The following PCDHGA9 variants were observed in gnomAD, a reference collection of about 807,000 sequenced individuals.
PCDHGA9 encodes protocadherin gamma-A9.
In PCDHGA9, 37 loss-of-function variants were observed where a neutral mutation model predicts 62.5. The ratio of observed to expected loss-of-function variants is 0.59; its 90% CI spans 0.46 to 0.78. The LOEUF (loss-of-function observed/expected upper bound fraction) is 0.78, where lower values mean the gene tolerates loss of function less well. PCDHGA9 is among the 30% of genes least tolerant of loss of function. The pLI is 0.00. For missense variants in PCDHGA9, 1,138 were observed against 1,166.2 expected (o/e 0.98, Z 0.35); for synonymous variants, 459 against 484.6 (o/e 0.95, Z 0.69).
Position 141,431,112 on chromosome 5 carries a change from GAGTAGA to G in PCDHGA9, c.2424+25747_2424+25752del, listed in dbSNP as rs764068262. On this transcript the variant is annotated intron_variant, in intron 1 of 3. Transcript: ENST00000573521. The surrounding 1 kb of genome is among the most constrained non-coding windows in gnomAD (Gnocchi z 4.8). ...ATGGAGGATAAAGTGAAAATATATG[GAGTAGA>G]AGTAGAAGTAAGGGACATTAACGAC... The G allele has an allele frequency of 1.7e-5, 28 of 1,614,128 alleles. No individual in the cohort carries two copies. The highest frequency in any genetic ancestry group is 3.3e-5 in the South Asian group (3 of 91,092).
At chr5:141,463,438 CTTTTTTTTTTTTT>C (rs71576115) in intron 1 of PCDHGA9, among the ~76,000 whole-genome samples, 4 of 103,254 alleles carry the variant, frequency 3.9e-5, no homozygotes, top group South Asian at 3.2e-4. Flanking sequence ...TTTCCTTCTC[CTTTTTTTTTTTTT>C]TTTTTTTTTT....
chr5:141,402,827 G>C lies in PCDHGA9; in HGVS notation c.-126G>C. The C allele has an allele frequency of 7.5e-6, 10 of 1,330,136 alleles. No individual in the cohort carries two copies. The highest frequency in any genetic ancestry group is 9.9e-6 in the Non-Finnish European group (10 of 1,007,988). 82.4% of individuals were successfully genotyped at this position (1,330,136 alleles called of 1,614,324 possible). A position where few individuals can be genotyped will look rare whatever the true frequency, so the allele number is the denominator to read the frequency against. On this transcript the variant is annotated 5_prime_UTR_variant, in exon 1 of 4. Coordinates refer to ENST00000573521, the MANE Select transcript of PCDHGA9 (RefSeq NM_018921.3). ...GCAGATACCACAAACCTGCTCCCAGGCTGCAGCAAAACTCAGCCTCTTTCT... is the reference window on the plus strand; with the variant it reads ...GCAGATACCACAAACCTGCTCCCAGCCTGCAGCAAAACTCAGCCTCTTTCT...
At chr5:141,430,888 T>C (rs1447560622) in intron 1 of PCDHGA9, 5 of 1,605,402 alleles carry the variant, frequency 3.1e-6, no homozygotes, top group Admixed American at 1.7e-5. Context: ...AGAAAGGCTC[T>C]AGGGTGGGCG....
chr5:141,419,012 A>C (rs1422133011), intron 1 of PCDHGA9: 1 of 1,613,986 alleles, frequency 6.2e-7, no homozygotes. Context: ...AGTCAGGTGT[A>C]GCTTAAGTAG....
Position 141,505,556 on chromosome 5 carries a change from C to T in PCDHGA9, c.2572+75C>T, listed in dbSNP as rs2233611. ...GGGTGCATCTCACAGCCACCATGCC[C>T]ACGGACTGGATGTCAAACCTGTGTA... On this transcript the variant is annotated intron_variant, in intron 3 of 3. Transcript: ENST00000573521. 1,282 of 1,606,040 alleles carry T rather than the reference C, an allele frequency of 8.0e-4. 6 individuals are homozygous for T. In the African/African-American group the frequency reaches 0.013, roughly 16 times the overall value.
chr5:141,483,350 G>C (rs2099580423), intron 1 of PCDHGA9, among the ~76,000 whole-genome samples: 4 of 152,172 alleles, frequency 2.6e-5, no homozygotes, highest in Admixed American at 1.3e-4. Flanking sequence ...CTTTGCAATA[G>C]TTTGAAAGCT....
At chr5:141,420,462 G>T in intron 1 of PCDHGA9, 2 of 892,618 alleles carry the variant, frequency 2.2e-6, no homozygotes. Context: ...ACTATTCAAA[G>T]ACATTTTAAA....
In PCDHGA9 at chr5:141,486,270, G is replaced by A. The variant is rs1052584402; in HGVS notation, c.2425-8537G>A. 2 of 1,614,062 alleles carry A rather than the reference G, an allele frequency of 1.2e-6. No homozygotes were observed. Reference sequence around the variant, plus strand: ...ACCCTCCCCGAGAGTGCAGAACCTGGCACTGTGGTGGCACTTATCAGTGTG... The same window carrying A: ...ACCCTCCCCGAGAGTGCAGAACCTGACACTGTGGTGGCACTTATCAGTGTG... On this transcript the variant is annotated intron_variant, in intron 1 of 3. Coordinates refer to ENST00000573521, the MANE Select transcript of PCDHGA9 (RefSeq NM_018921.3). This position sits in a 1 kb window ranked among gnomAD's most constrained non-coding sequence, Gnocchi z 5.0.
intron 2 of PCDHGA9, among the ~76,000 whole-genome samples, chr5:141,504,926 TGGTG>T (rs1312481961): frequency 1.3e-5 from 2 of 151,946 alleles, no homozygotes; most frequent in Non-Finnish European, 2.9e-5. Context: ...GGCTCTCTCA[TGGTG>T]GGTGGGGGAA....
chr5:141,473,263 T>C (rs2099318134), intron 1 of PCDHGA9, among the ~76,000 whole-genome samples: 1 of 152,210 alleles, frequency 6.6e-6, no homozygotes, highest in African/African-American at 2.4e-5. Context: ...GTCCTTAGTG[T>C]ATGCTATGAT....
chr5:141,409,735 C>G lies in PCDHGA9; in HGVS notation c.2424+4359C>G, dbSNP rs763035733. Reference sequence around the variant, plus strand: ...CATACGTGTCAGTGAGCGCGCAGAGCGGGGTGGTGTTCGCGCAGCGCGCCT... The same window carrying G: ...CATACGTGTCAGTGAGCGCGCAGAGGGGGGTGGTGTTCGCGCAGCGCGCCT... On this transcript the variant is annotated intron_variant, in intron 1 of 3. Transcript: ENST00000573521. The G allele has an allele frequency of 3.7e-6, 6 of 1,613,006 alleles. No homozygotes were observed. The African/African-American group carries it at 8.0e-5, about 22-fold the overall frequency.
chr5:141,490,565 T>C lies in PCDHGA9; in HGVS notation c.2425-4242T>C. ...CTACACAAACATCTCACCATCAGGC[T>C]CAACATTTCAGATGTCAATGACAAT... On this transcript the variant is annotated intron_variant, in intron 1 of 3. Coordinates refer to ENST00000573521, the MANE Select transcript of PCDHGA9 (RefSeq NM_018921.3). This position sits in a 1 kb window ranked among gnomAD's most constrained non-coding sequence, Gnocchi z 5.4. 8 of 1,614,116 alleles carry C rather than the reference T, an allele frequency of 5.0e-6. No individual in the cohort carries two copies. Among genetic ancestry groups the C allele is most frequent in the Non-Finnish European group, 6.8e-6 (8 of 1,180,024 alleles).
intron 1 of PCDHGA9, among the ~76,000 whole-genome samples, chr5:141,492,559 C>G (rs533830391): frequency 2.0e-5 from 3 of 152,174 alleles, no homozygotes; most frequent in Non-Finnish European, 4.4e-5. Context: ...GCCTGGGGGG[C>G]GGCCTGAGCG....
At chr5:141,417,340 C>T (rs981474163) in intron 1 of PCDHGA9, 2 of 152,874 alleles carry the variant, frequency 1.3e-5, no homozygotes, top group African/African-American at 4.8e-5. Context: ...GATAGGAGAC[C>T]TATAAACCTT....
chr5:141,440,451 A>G (rs2098179077), intron 1 of PCDHGA9: 1 of 152,230 alleles, frequency 6.6e-6, no homozygotes, highest in Non-Finnish European at 1.5e-5. Flanking sequence ...CATCTCAAAA[A>G]AAATGAACAA....
rs370067669 is a variant in PCDHGA9 at position 141,419,410 on chromosome 5, G to A, written c.2424+14034G>A. ...CGCAGAGCGGGGTGGTGTTCGCGCA[G>A]CGCGCCTTCGACCACGAGCAGCTGC... On this transcript the variant is annotated intron_variant, in intron 1 of 3. Coordinates refer to ENST00000573521, the MANE Select transcript of PCDHGA9 (RefSeq NM_018921.3). 140 of 1,613,468 alleles carry A rather than the reference G, an allele frequency of 8.7e-5. No individual in the cohort carries two copies. In the African/African-American group the frequency reaches 1.8e-3, roughly 20 times the overall value.
At position 141,430,860 on chromosome 5, in the gene PCDHGA9, C is replaced by G. The variant is rs773955533; in HGVS notation, c.2424+25484C>G. ...ACCGGATGCACCCAGATACGCTATTCAGTTCCGGAAGAGCTGGAGAAAGGC... is the reference window on the plus strand; with the variant it reads ...ACCGGATGCACCCAGATACGCTATTGAGTTCCGGAAGAGCTGGAGAAAGGC... On this transcript the variant is annotated intron_variant, in intron 1 of 3. Transcript: ENST00000573521. 4 of 1,592,382 alleles carry G rather than the reference C, an allele frequency of 2.5e-6. No individual in the cohort carries two copies. In the South Asian group the frequency reaches 4.6e-5, roughly 18 times the overall value.
chr5:141,442,348 CTG>C (rs1318031659), intron 1 of PCDHGA9: 1 of 152,378 alleles, frequency 6.6e-6, no homozygotes, highest in Non-Finnish European at 1.5e-5. Context: ...TTCTGGGTAA[CTG>C]TAGCTCTATG....
At chr5:141,428,081 C>G (rs768842388) in intron 1 of PCDHGA9, 3 of 1,609,218 alleles carry the variant, frequency 1.9e-6, no homozygotes, top group South Asian at 2.2e-5. Context: ...CGGGACACAA[C>G]GCTTGGCTGT....
Sources: gnomAD v4.1 joint callset for allele counts (sites outside exome capture counted in the v4.1 genomes callset) on GRCh38, gnomAD v4.1.1 for gene constraint, Gnocchi (gnomAD v3.1) non-coding constraint, MANE v1.5 for transcripts, NCBI Gene and HGNC (gene_info 2026-07-23, HGNC 2026-07-21) for gene names.